The following NFIX variants were observed in gnomAD, a reference collection of about 807,000 sequenced individuals.
NFIX encodes the protein nuclear factor 1 X-type.
A neutral mutation model predicts 53.3 loss-of-function variants in NFIX; 2 were observed. The ratio of observed to expected loss-of-function variants is 0.04; its 90% CI spans 0.02 to 0.12. NFIX has a LOEUF of 0.12. NFIX is among the 10% of genes least tolerant of loss of function. The pLI, the probability that NFIX is intolerant of heterozygous loss-of-function variation, is 1.00. For missense variants in NFIX, 310 were observed against 674.5 expected (o/e 0.46, Z 5.99); for synonymous variants, 244 against 289.0 (o/e 0.84, Z 1.58).
rs970360120 is a variant in NFIX, at chr19:12,996,562, G to A, written c.27+698G>A. ...CGGGCGCGCTGCCAGCGGTGGCCGC[G>A]CCTCTCCGACCCCGGACGTCGCAGC... On this transcript the variant is annotated intron_variant, in intron 1 of 10. Coordinates refer to ENST00000592199, the MANE Select transcript of NFIX (RefSeq NM_001365902.3). This position sits in a 1 kb window ranked among gnomAD's most constrained non-coding sequence, Gnocchi z 5.2. Among the ~76,000 whole-genome samples, 2 of 152,158 alleles carry A rather than the reference G, an allele frequency of 1.3e-5. No homozygotes were observed. The highest frequency in any genetic ancestry group is 6.5e-5 in the Admixed American group (1 of 15,282).
In NFIX at chr19:13,063,877, G is replaced by A. The variant is rs563996301; in HGVS notation, c.560-9170G>A. ...TAGACCAAGGGCAAGTGTATTTGGG[G>A]GTAGGAGGAGGGTGATGCCCAGCCC... On this transcript the variant is annotated intron_variant, in intron 2 of 10. Coordinates refer to ENST00000592199, the MANE Select transcript of NFIX (RefSeq NM_001365902.3). 6.6e-5 allele frequency among the ~76,000 whole-genome samples: 10 copies of A among 152,236 alleles called. No homozygotes were observed. In the East Asian group the frequency reaches 1.9e-3, roughly 29 times the overall value.
At chr19:13,026,673 G>T (rs1029088317) in intron 2 of NFIX, among the ~76,000 whole-genome samples, 3 of 152,176 alleles carry the variant, frequency 2.0e-5, no homozygotes, top group African/African-American at 7.2e-5. Context: ...CAAGGCAGAA[G>T]TGTGTTTACA....
chr19:13,092,700 T>A (rs2018215917), intron 10 of NFIX, among the ~76,000 whole-genome samples: 1 of 151,928 alleles, frequency 6.6e-6, no homozygotes, highest in African/African-American at 2.4e-5. Flanking sequence ...GGGAAGGGGG[T>A]CCCAGGGAAC....
At position 13,028,741 on chromosome 19, in the gene NFIX, A is replaced by C. The variant is rs933521149; in HGVS notation, c.559+3189A>C. Reference sequence around the variant, plus strand: ...ATTTCCTGGTGATATCCTTCCATTCAAAGCGGGTATCCCAGAACAGGTGGC... The same window carrying C: ...ATTTCCTGGTGATATCCTTCCATTCCAAGCGGGTATCCCAGAACAGGTGGC... On this transcript the variant is annotated intron_variant, in intron 2 of 10. Transcript: ENST00000592199. The surrounding 1 kb of genome is among the most constrained non-coding windows in gnomAD (Gnocchi z 4.2). 6.6e-6 allele frequency among the ~76,000 whole-genome samples: 1 copy of C among 152,094 alleles called. No individual in the cohort carries two copies. The highest frequency in any genetic ancestry group is 1.5e-5 in the Non-Finnish European group (1 of 68,004).
rs1366502920 is a variant in NFIX, at chr19:13,012,892, G to A, written c.28-12129G>A. On this transcript the variant is annotated intron_variant, in intron 1 of 10. Transcript: ENST00000592199. The surrounding 1 kb of genome is among the most constrained non-coding windows in gnomAD (Gnocchi z 5.0). ...TCAATCCCCGAGCCTTCTCTTTTGG[G>A]GGAGTAAAGGCGGGGAAATTTACCA... Among the ~76,000 whole-genome samples the A allele has an allele frequency of 6.6e-6, 1 of 151,996 alleles. No individual in the cohort carries two copies. Among genetic ancestry groups the A allele is most frequent in the East Asian group, 1.9e-4 (1 of 5,162 alleles).
At chr19:13,070,190 AC>A (rs2016687769) in intron 2 of NFIX, 1 of 152,402 alleles carries the variant, frequency 6.6e-6, no homozygotes, top group African/African-American at 2.4e-5. Flanking sequence ...CCCTGCAGCC[AC>A]TGGCTGGTTC....
At chr19:12,997,861 G>C (rs868412964) in intron 1 of NFIX, among the ~76,000 whole-genome samples, 5 of 152,250 alleles carry the variant, frequency 3.3e-5, no homozygotes, top group Non-Finnish European at 5.9e-5. Flanking sequence ...GCCGGTGCTT[G>C]GCTCTGTGTG....
chr19:13,022,051 G>A lies in NFIX; in HGVS notation c.28-2970G>A, dbSNP rs2012974798. Among the ~76,000 whole-genome samples the A allele has an allele frequency of 6.6e-6, 1 of 152,192 alleles. No individual in the cohort carries two copies. The highest frequency in any genetic ancestry group is 2.4e-5 in the African/African-American group (1 of 41,452). On this transcript the variant is annotated intron_variant, in intron 1 of 10. Transcript: ENST00000592199. The surrounding 1 kb of genome is among the most constrained non-coding windows in gnomAD (Gnocchi z 4.5). ...AAACTAATCTCAGGTCAACTGGAGAGGGCAGATCTGGAGAATTAAATGCCT... is the reference window on the plus strand; with the variant it reads ...AAACTAATCTCAGGTCAACTGGAGAAGGCAGATCTGGAGAATTAAATGCCT...
intron 7 of NFIX, among the ~76,000 whole-genome samples, chr19:13,080,733 T>G (rs867776916): frequency 5.3e-5 from 8 of 151,822 alleles, no homozygotes; most frequent in African/African-American, 1.7e-4. Context: ...GGGCGCGGTG[T>G]CTCACGCCTG....
rs1331261008 is a variant in NFIX, at chr19:13,011,622, G to C, written c.28-13399G>C. 6.6e-6 allele frequency among the ~76,000 whole-genome samples: 1 copy of C among 152,192 alleles called. No individual in the cohort carries two copies. The highest frequency in any genetic ancestry group is 1.9e-4 in the East Asian group (1 of 5,198). On this transcript the variant is annotated intron_variant, in intron 1 of 10. Transcript: ENST00000592199. The surrounding 1 kb of genome is among the most constrained non-coding windows in gnomAD (Gnocchi z 6.5). ...ATCCCAGCCCGGCTGGAGAAAGTTA[G>C]ATGGTACTCCAGCGTCTCCTCCGGG...
At chr19:13,024,129 A>C (rs1488638629) in intron 1 of NFIX, 4 of 859,624 alleles carry the variant, frequency 4.7e-6, no homozygotes, top group East Asian at 2.7e-5. Flanking sequence ...AAAAAAAAAA[A>C]ACCAAACAAA....
At chr19:13,050,210 A>G (rs2015244272) in intron 2 of NFIX, among the ~76,000 whole-genome samples, 1 of 151,922 alleles carries the variant, frequency 6.6e-6, no homozygotes, top group South Asian at 2.1e-4. Context: ...GCATTTCTTT[A>G]CTTCTCCTAT....
Position 13,072,970 on chromosome 19 carries a change from T to TGGA in NFIX, c.560-74_560-72dup. ...GGCCGTCCCTGCTCTTGCACCAGGC[T>TGGA]GGAGGGGCCAATGCTTGGCTGGTGC... On this transcript the variant is annotated intron_variant, in intron 2 of 10. Coordinates refer to ENST00000592199, the MANE Select transcript of NFIX (RefSeq NM_001365902.3). The surrounding 1 kb of genome is among the most constrained non-coding windows in gnomAD (Gnocchi z 4.0). 2.9e-6 allele frequency: 4 copies of TGGA among 1,399,378 alleles called. No individual in the cohort carries two copies. Among genetic ancestry groups the TGGA allele is most frequent in the Non-Finnish European group, 4.1e-6 (4 of 984,416 alleles). The allele number at this position is 1,399,378 out of a possible 1,614,324, so 86.7% of individuals were successfully genotyped here.
In NFIX at chr19:13,081,482, T is replaced by TA. The variant is rs2017460280; in HGVS notation, c.1079-198_1079-197insA. Among the ~76,000 whole-genome samples, 3 of 152,198 alleles carry TA rather than the reference T, an allele frequency of 2.0e-5. No individual in the cohort carries two copies. The highest frequency in any genetic ancestry group is 7.2e-5 in the African/African-American group (3 of 41,524). ...ATTTGATTATTATTATTATTATTAT[T>TA]TTTGTATTGCATTAAAACATCATGG... On this transcript the variant is annotated intron_variant, in intron 7 of 10. Coordinates refer to ENST00000592199, the MANE Select transcript of NFIX (RefSeq NM_001365902.3). The surrounding 1 kb of genome is among the most constrained non-coding windows in gnomAD (Gnocchi z 4.7).
chr19:13,008,016 G>A (rs1313663297), intron 1 of NFIX, among the ~76,000 whole-genome samples: 3 of 152,164 alleles, frequency 2.0e-5, no homozygotes, highest in Non-Finnish European at 4.4e-5. Context: ...ACAGCTGCAG[G>A]ACAGCCTTGG....
In NFIX at chr19:13,094,263, C is replaced by T. The variant is rs1296195989; in HGVS notation, c.1495-372C>T. On this transcript the variant is annotated intron_variant, in intron 10 of 10. Transcript: ENST00000592199. This position sits in a 1 kb window ranked among gnomAD's most constrained non-coding sequence, Gnocchi z 4.3. ...CCTAAAACCCCTCTGGGTACAAAAGCCCCAGCCTGGCATCTTCCCCACCCT... is the reference window on the plus strand; with the variant it reads ...CCTAAAACCCCTCTGGGTACAAAAGTCCCAGCCTGGCATCTTCCCCACCCT... 1.3e-5 allele frequency among the ~76,000 whole-genome samples: 2 copies of T among 152,246 alleles called. No homozygotes were observed. Among genetic ancestry groups the T allele is most frequent in the African/African-American group, 4.8e-5 (2 of 41,464 alleles).
At position 13,043,524 on chromosome 19, in the gene NFIX, G is replaced by T. The variant is rs780040989; in HGVS notation, c.559+17972G>T. Among the ~76,000 whole-genome samples the T allele has an allele frequency of 6.6e-6, 1 of 152,204 alleles. No homozygotes were observed. The highest frequency in any genetic ancestry group is 1.9e-4 in the East Asian group (1 of 5,194). On this transcript the variant is annotated intron_variant, in intron 2 of 10. Transcript: ENST00000592199. This position sits in a 1 kb window ranked among gnomAD's most constrained non-coding sequence, Gnocchi z 4.0. ...GCTGCTGACACCTGAGGCCAGCTGC[G>T]CAGTCTGCCACAAGGCCCCTGGGGC...
intron 2 of NFIX, among the ~76,000 whole-genome samples, chr19:13,046,466 C>G (rs745610): frequency 0.3 from 43,615 of 146,968 alleles, 7,125 homozygotes; most frequent in East Asian, 0.6. Flanking sequence ...GCGTTGCCTT[C>G]CCCCCCCCTC....
chr19:13,047,147 C>T (rs2145298094), intron 2 of NFIX, among the ~76,000 whole-genome samples: 2 of 152,276 alleles, frequency 1.3e-5, no homozygotes, highest in Non-Finnish European at 2.9e-5. Flanking sequence ...GGATCAATAT[C>T]AGTCTTCCAC....
Sources: allele counts gnomAD v4.1 joint callset (sites outside exome capture counted in the v4.1 genomes callset), GRCh38; gene constraint gnomAD v4.1.1; non-coding constraint Gnocchi (gnomAD v3.1); transcripts MANE v1.5; gene names NCBI Gene and HGNC (gene_info 2026-07-23, HGNC 2026-07-21).